The following ANKRD46 variants were observed in gnomAD, a reference collection of about 807,000 sequenced individuals.
ANKRD46 encodes the protein ankyrin repeat domain-containing protein 46.
Under a neutral mutation model 19.8 loss-of-function variants are expected in ANKRD46, and 13 were observed. The ratio of observed to expected loss-of-function variants is 0.66; its 90% CI spans 0.43 to 1.04. ANKRD46 has a LOEUF of 1.04. Ranked by LOEUF, ANKRD46 falls within the 50% of genes least tolerant of loss-of-function variation. ANKRD46 has a pLI of 0.00. For synonymous variants in ANKRD46, 91 were observed against 106.9 expected, an observed-to-expected ratio of 0.85 and a Z score of 0.92; for missense variants, 185 against 274.8, an observed-to-expected ratio of 0.67 and a Z score of 2.31.
chr8:100,541,839 CTA>C (rs1368779637), intron 1 of ANKRD46, among the ~76,000 whole-genome samples: 6 of 152,174 alleles, frequency 3.9e-5, no homozygotes, highest in Non-Finnish European at 7.4e-5. Flanking sequence ...TATAACTTTT[CTA>C]TGTTTAGATA....
chr8:100,527,651 A>C lies in ANKRD46; in HGVS notation c.470+194T>G, dbSNP rs1811867774. On this transcript the variant is annotated intron_variant, in intron 4 of 4. Coordinates refer to ENST00000335659, the MANE Select transcript of ANKRD46 (RefSeq NM_001270377.2). This position sits in a 1 kb window ranked among gnomAD's most constrained non-coding sequence, Gnocchi z 4.0. ...GCACTTAAAAGCAAATGAATATTAA[A>C]GTTCACAAAGTTAACCATAAATCCA... Among the ~76,000 whole-genome samples, 1 of 152,222 alleles carries C rather than the reference A, an allele frequency of 6.6e-6. No individual in the cohort carries two copies. Among genetic ancestry groups the C allele is most frequent in the African/African-American group, 2.4e-5 (1 of 41,454 alleles).
chr8:100,531,002 C>T (rs977570873), intron 2 of ANKRD46, among the ~76,000 whole-genome samples: 4 of 152,184 alleles, frequency 2.6e-5, no homozygotes. Context: ...TTTCCTGGCC[C>T]CACTGGCGCA....
At chr8:100,515,154 G>A (rs1052428054) in intron 5 of ANKRD46, among the ~76,000 whole-genome samples, 17 of 152,256 alleles carry the variant, frequency 1.1e-4, no homozygotes, top group African/African-American at 3.4e-4. Flanking sequence ...CAGGGCTTAA[G>A]TTGACAAATG....
In ANKRD46 at chr8:100,521,983, CAA is replaced by C. The variant is rs1563924989; in HGVS notation, c.*570_*571del. 1.0e-6 allele frequency: 1 copy of C among 984,054 alleles called. No individual in the cohort carries two copies. The highest frequency in any genetic ancestry group is 6.1e-5 in the Admixed American group (1 of 16,284). The allele number at this position is 984,054 out of a possible 1,614,324, so 61.0% of individuals were successfully genotyped here. ...CTTTGAACAAAATATAGCTCATTTT[CAA>C]AAGTTTTGTTTGGTTTGTGACTAGA... On this transcript the variant is annotated 3_prime_UTR_variant, in exon 5 of 5. Transcript: ENST00000335659.
At chr8:100,539,308 T>C (rs1812127342) in intron 1 of ANKRD46, among the ~76,000 whole-genome samples, 1 of 152,244 alleles carries the variant, frequency 6.6e-6, no homozygotes, top group Non-Finnish European at 1.5e-5. Flanking sequence ...ATAAAATATG[T>C]GAATATTTAT....
At chr8:100,530,408 G>T (rs1391373556) in intron 2 of ANKRD46, among the ~76,000 whole-genome samples, 1 of 151,190 alleles carries the variant, frequency 6.6e-6, no homozygotes, top group Admixed American at 6.6e-5. Flanking sequence ...TTTTGAGATG[G>T]TGTCTCGCTC....
intron 1 of ANKRD46, chr8:100,551,570 C>T: frequency 2.7e-6 from 2 of 753,558 alleles, no homozygotes; most frequent in South Asian, 2.7e-5. Context: ...GGTAGAAATA[C>T]TGGAACATGC....
chr8:100,541,851 A>C (rs1348087049), intron 1 of ANKRD46, among the ~76,000 whole-genome samples: 1 of 152,212 alleles, frequency 6.6e-6, no homozygotes, highest in African/African-American at 2.4e-5. Context: ...ATGTTTAGAT[A>C]CACAAATATT....
rs1184312451 is a variant in ANKRD46 at position 100,527,883 on chromosome 8, G to A, written c.432C>T (p.His144=). 2.5e-6 allele frequency: 4 copies of A among 1,613,552 alleles called. No individual in the cohort carries two copies. Among genetic ancestry groups the A allele is most frequent in the Admixed American group, 1.7e-5 (1 of 59,902 alleles). The stretch of plus-strand genomic sequence containing the variant: ...CTGTTTGCATGGTCTCCAGTTTCGA[G>A]TGGGTTCCTCTGTTAAATCCTTTCA... ...QEVKGFNRGT[H]SKLETMQTAE... is the part of the protein sequence containing the mutation. Residue 144 remains histidine, a synonymous_variant, in exon 4 of 5, where the codon CAC becomes CAT. Coordinates refer to ENST00000335659, the MANE Select transcript of ANKRD46 (RefSeq NM_001270377.2). This position sits in a 1 kb window ranked among gnomAD's most constrained non-coding sequence, Gnocchi z 4.0.
At chr8:100,528,107 C>T (rs1811880421) in intron 3 of ANKRD46, 104 bp from the exon 4 acceptor site, 1 of 1,260,318 alleles carries the variant, frequency 7.9e-7, no homozygotes, top group Non-Finnish European at 1.0e-6. Flanking sequence ...ATATAGATCT[C>T]AGTGAAGAAA....
chr8:100,535,981 T>C (rs1432115509), intron 1 of ANKRD46, among the ~76,000 whole-genome samples: 2 of 152,016 alleles, frequency 1.3e-5, no homozygotes, highest in Non-Finnish European at 2.9e-5. Flanking sequence ...AAGATGTCTA[T>C]TTCCCCCATT....
At chr8:100,558,745 C>T (rs1011715258) in intron 1 of ANKRD46, among the ~76,000 whole-genome samples, 50 of 152,196 alleles carry the variant, frequency 3.3e-4, no homozygotes, top group African/African-American at 1.1e-3. Flanking sequence ...GACCAAATCT[C>T]GCTCAGCCTT....
intron 1 of ANKRD46, among the ~76,000 whole-genome samples, chr8:100,548,749 A>G (rs1812321790): frequency 6.6e-6 from 1 of 152,230 alleles, no homozygotes; most frequent in Non-Finnish European, 1.5e-5. Flanking sequence ...GAAGGCATTC[A>G]CTGAAGGTGG....
chr8:100,535,062 C>A (rs1812037798), intron 1 of ANKRD46, among the ~76,000 whole-genome samples: 1 of 152,198 alleles, frequency 6.6e-6, no homozygotes, highest in African/African-American at 2.4e-5. Flanking sequence ...CCACCGCAAC[C>A]AGCCTGCCAT....
At position 100,511,216 on chromosome 8, in the gene ANKRD46, G is replaced by C. The variant is rs1055245389; in HGVS notation, c.637-577C>G. ...TCAGGAATATCCCCATTGAACAGAT[G>C]GTGTACCTAAGGCTAGGGGAGCAGG... On this transcript the variant is annotated intron_variant, in intron 5 of 5. Coordinates refer to the ANKRD46 transcript ENST00000520552. This position sits in a 1 kb window ranked among gnomAD's most constrained non-coding sequence, Gnocchi z 4.1. Among the ~76,000 whole-genome samples, 4 of 152,140 alleles carry C rather than the reference G, an allele frequency of 2.6e-5. No individual in the cohort carries two copies. Among genetic ancestry groups the C allele is most frequent in the Non-Finnish European group, 4.4e-5 (3 of 68,014 alleles).
intron 1 of ANKRD46, among the ~76,000 whole-genome samples, chr8:100,535,289 C>T (rs1019534734): frequency 2.8e-4 from 42 of 152,176 alleles, no homozygotes; most frequent in African/African-American, 8.7e-4. Flanking sequence ...ACATATTTAA[C>T]GATTGTCCAA....
intron 4 of ANKRD46, among the ~76,000 whole-genome samples, chr8:100,526,508 A>C (rs546732124): frequency 6.6e-6 from 1 of 152,232 alleles, no homozygotes; most frequent in Non-Finnish European, 1.5e-5. Context: ...GTCAATCCAA[A>C]GTACAGAGGA....
chr8:100,539,344 G>T (rs967760187), intron 1 of ANKRD46, among the ~76,000 whole-genome samples: 3 of 152,198 alleles, frequency 2.0e-5, no homozygotes, highest in African/African-American at 7.2e-5. Context: ...AAGGAAAAGA[G>T]TTGCTCTCTT....
At chr8:100,558,213 G>A (rs1812538871) in intron 1 of ANKRD46, among the ~76,000 whole-genome samples, 1 of 152,176 alleles carries the variant, frequency 6.6e-6, no homozygotes, top group African/African-American at 2.4e-5. Context: ...AAAGAACTGT[G>A]AGAATCCTTT....
Sources: gnomAD v4.1 joint callset for allele counts (sites outside exome capture counted in the v4.1 genomes callset) on GRCh38, gnomAD v4.1.1 for gene constraint, Gnocchi (gnomAD v3.1) non-coding constraint, MANE v1.5 for transcripts, NCBI Gene and HGNC (gene_info 2026-07-23, HGNC 2026-07-21) for gene names.